ANKRD31: variants seen among roughly 807,000 people sequenced by gnomAD.
The protein encoded by ANKRD31 is ankyrin repeat domain 31.
ANKRD31 carries 147 observed loss-of-function variants against 186.0 expected under a neutral mutation model. The ratio of observed to expected loss-of-function variants is 0.79; its 90% CI spans 0.69 to 0.91. The LOEUF is 0.91. ANKRD31 is among the 40% of genes least tolerant of loss of function. The probability of loss-of-function intolerance (pLI) is 0.00; values close to 1 mark genes in which losing one functional copy is unlikely to be tolerated. For missense variants in ANKRD31, 1,986 were observed against 2,148.8 expected, an observed-to-expected ratio of 0.92 and a Z score of 1.50; for synonymous variants, 673 against 736.4, an observed-to-expected ratio of 0.91 and a Z score of 1.39.
intron 17 of ANKRD31, among the ~76,000 whole-genome samples, chr5:75,126,788 T>C (rs973562788): frequency 1.3e-5 from 2 of 152,070 alleles, no homozygotes; most frequent in African/African-American, 2.4e-5. Context: ...AGCTCAGCAA[T>C]CCCCAAATAG....
intron 17 of ANKRD31, among the ~76,000 whole-genome samples, chr5:75,133,014 A>G (rs1241672331): frequency 6.6e-6 from 1 of 152,216 alleles, no homozygotes; most frequent in Admixed American, 6.5e-5. Context: ...TGAAGGAAGC[A>G]CTAAACATGC....
chr5:75,229,380 G>T (rs1757811857), intron 2 of ANKRD31, among the ~76,000 whole-genome samples: 1 of 152,130 alleles, frequency 6.6e-6, no homozygotes. Context: ...GAGGAAAAAG[G>T]CTATATGGGT....
rs564607100 is a variant in ANKRD31, at chr5:75,210,440, C to T, written c.326+388G>A. Among the ~76,000 whole-genome samples the T allele has an allele frequency of 5.9e-4, 90 of 152,316 alleles. 1 individual carries two copies. Among genetic ancestry groups the T allele is most frequent in the African/African-American group, 2.1e-3 (86 of 41,570 alleles). ...CTGCCTACCTTAGCCTCCCAGAGTG[C>T]TAGGATTACAGGCGTTAGCCACTAT... is the stretch of plus-strand genomic sequence containing the variant. On this transcript the variant is annotated intron_variant, in intron 4 of 25. Coordinates refer to ENST00000506364, the MANE Select transcript of ANKRD31 (RefSeq NM_001372053.1).
At chr5:75,081,041 T>TA (rs1440892449) in intron 24 of ANKRD31, among the ~76,000 whole-genome samples, 1 of 152,176 alleles carries the variant, frequency 6.6e-6, no homozygotes, top group Non-Finnish European at 1.5e-5. Context: ...GTAATAGGGT[T>TA]AGAGAGTTTT....
chr5:75,171,657 C>T (rs1196632628), intron 10 of ANKRD31, among the ~76,000 whole-genome samples: 1 of 150,630 alleles, frequency 6.6e-6, no homozygotes, highest in South Asian at 2.1e-4. Context: ...AGCCATAAAT[C>T]GATTCTTGAA....
intron 10 of ANKRD31, among the ~76,000 whole-genome samples, chr5:75,173,276 T>A (rs900071253): frequency 1.3e-5 from 2 of 152,092 alleles, no homozygotes; most frequent in Admixed American, 6.5e-5. Flanking sequence ...ACAGCCAATA[T>A]CATACTGAAT....
intron 1 of ANKRD31, among the ~76,000 whole-genome samples, chr5:75,234,033 CTAAA>C (rs1758108131): frequency 6.6e-6 from 1 of 150,390 alleles, no homozygotes; most frequent in Non-Finnish European, 1.5e-5. Context: ...TAAAAACAAA[CTAAA>C]TGTTTTGTTT....
At chr5:75,136,732 C>G (rs562319599) in intron 17 of ANKRD31, among the ~76,000 whole-genome samples, 1 of 152,290 alleles carries the variant, frequency 6.6e-6, no homozygotes, top group Admixed American at 6.5e-5. Context: ...TATTGTGGCA[C>G]TATTCACAAT....
Position 75,146,840 on chromosome 5 carries a change from A to G in ANKRD31, c.2571T>C (p.Pro857=). 1 of 1,536,338 alleles carries G rather than the reference A, an allele frequency of 6.5e-7. No individual in the cohort carries two copies. Among genetic ancestry groups the G allele is most frequent in the Non-Finnish European group, 8.7e-7 (1 of 1,146,300 alleles). The part of the protein sequence containing the change: ...KLPVVTTDKQ[P]HTLQEQHHVL... ...CATGGTGTTGTTCCTGGAGAGTGTG[A>G]GGCTGCTTATCTGTAGTAACAACTG... Residue 857 remains proline (P), a synonymous_variant, in exon 14 of 26, where the codon CCT becomes CCC. Transcript: ENST00000506364.
intron 19 of ANKRD31, among the ~76,000 whole-genome samples, chr5:75,115,339 T>C (rs1003903966): frequency 3.3e-5 from 5 of 152,064 alleles, no homozygotes; most frequent in Non-Finnish European, 2.9e-5. Flanking sequence ...ATTCAGGACA[T>C]AGGCATGGGC....
chr5:75,152,160 G>A (rs543904165), intron 12 of ANKRD31, among the ~76,000 whole-genome samples: 1 of 151,972 alleles, frequency 6.6e-6, no homozygotes. Context: ...CCAAGGTCTG[G>A]ATCTTCAGCT....
intron 4 of ANKRD31, 40 bp downstream of exon 4, chr5:75,210,788 A>G (rs1456299842): frequency 7.2e-7 from 1 of 1,392,728 alleles, no homozygotes. Context: ...AATGACAAAA[A>G]TACCTACAAC....
At chr5:75,159,800 A>G (rs964393324) in intron 11 of ANKRD31, among the ~76,000 whole-genome samples, 2 of 152,166 alleles carry the variant, frequency 1.3e-5, no homozygotes, top group African/African-American at 4.8e-5. Context: ...TGGTAATTAT[A>G]CAGATAATTA....
chr5:75,232,640 T>C (rs1040069933), intron 1 of ANKRD31, among the ~76,000 whole-genome samples: 2 of 152,038 alleles, frequency 1.3e-5, no homozygotes, highest in African/African-American at 4.8e-5. Flanking sequence ...CTATTCTATA[T>C]CTTGATTGTG....
chr5:75,132,092 A>T (rs1160966110), intron 17 of ANKRD31, among the ~76,000 whole-genome samples: 1 of 152,214 alleles, frequency 6.6e-6, no homozygotes, highest in African/African-American at 2.4e-5. Context: ...AATTCTAAAA[A>T]TCAGAGCGCC....
intron 17 of ANKRD31, among the ~76,000 whole-genome samples, chr5:75,122,283 A>C (rs1748854874): frequency 9.0e-6 from 1 of 111,280 alleles, no homozygotes; most frequent in Non-Finnish European, 1.7e-5. Flanking sequence ...CAATAAAAAA[A>C]ATCCTCCCAA....
intron 19 of ANKRD31, among the ~76,000 whole-genome samples, chr5:75,115,022 A>G (rs1748099034): frequency 6.6e-6 from 1 of 152,204 alleles, no homozygotes; most frequent in Non-Finnish European, 1.5e-5. Context: ...ACAAGGCTAC[A>G]GTAACCAAAA....
At chr5:75,184,998 T>C (rs1028258768) in intron 10 of ANKRD31, among the ~76,000 whole-genome samples, 52 of 152,154 alleles carry the variant, frequency 3.4e-4, no homozygotes, top group African/African-American at 1.2e-3. Context: ...GCAAATGTGG[T>C]ATATGTATAC....
intron 17 of ANKRD31, among the ~76,000 whole-genome samples, chr5:75,120,690 G>GA (rs894423938): frequency 5.9e-5 from 9 of 151,456 alleles, no homozygotes; most frequent in Non-Finnish European, 1.0e-4. Context: ...AGACGCAGAA[G>GA]AAAAAAAATG....
Sources: gnomAD v4.1 joint callset for allele counts (sites outside exome capture counted in the v4.1 genomes callset) on GRCh38, gnomAD v4.1.1 for gene constraint, MANE v1.5 for transcripts, NCBI Gene and HGNC (gene_info 2026-07-23, HGNC 2026-07-21) for gene names.